The following NOS1 variants were observed in gnomAD, a reference collection of about 807,000 sequenced individuals.
NOS1 encodes the protein NOS type I.
NOS1 carries 51 observed loss-of-function variants against 164.5 expected under a neutral mutation model. That is an observed-to-expected ratio of 0.31 (90% CI 0.25 to 0.39). The LOEUF is 0.39. Among genes scored for constraint, NOS1 ranks in the 10% least tolerant of loss-of-function variants. The probability of loss-of-function intolerance (pLI) is 1.00; values close to 1 mark genes in which losing one functional copy is unlikely to be tolerated. For missense variants in NOS1, 1,362 were observed against 1,885.6 expected (o/e 0.72, Z 5.14); for synonymous variants, 719 against 745.8 (o/e 0.96, Z 0.59).
intron 24 of NOS1, among the ~76,000 whole-genome samples, chr12:117,225,930 A>G (rs1447843782): frequency 6.6e-6 from 1 of 152,200 alleles, no homozygotes; most frequent in Admixed American, 6.5e-5. Context: ...CGCCCAGCCC[A>G]GAGCCACTGG....
At chr12:117,287,362 C>T (rs1872777988) in intron 5 of NOS1, among the ~76,000 whole-genome samples, 4 of 80 alleles carry the variant, frequency 0.05, no homozygotes, top group South Asian at 0.29. Context: ...TTGATTTTTA[C>T]AGTTGTTATA....
chr12:117,250,327 CTTT>C (rs556629285), intron 17 of NOS1, among the ~76,000 whole-genome samples: 8 of 130,164 alleles, frequency 6.1e-5, no homozygotes, highest in Admixed American at 1.6e-4. Context: ...TTGCCATTTA[CTTT>C]TTTTTTTTTT....
chr12:117,302,705 AC>A (rs1873906996), intron 3 of NOS1, among the ~76,000 whole-genome samples: 1 of 151,800 alleles, frequency 6.6e-6, no homozygotes, highest in Admixed American at 6.6e-5. Context: ...TAAAATGGCT[AC>A]ACACCTGCAC....
At chr12:117,291,010 C>T (rs1364326933) in intron 3 of NOS1, among the ~76,000 whole-genome samples, 2 of 152,064 alleles carry the variant, frequency 1.3e-5, no homozygotes, top group South Asian at 2.1e-4. Context: ...ATCAGAAGTT[C>T]GAGATCAGCC....
intron 20 of NOS1, among the ~76,000 whole-genome samples, chr12:117,238,766 C>T (rs192361821): frequency 5.3e-5 from 8 of 152,254 alleles, no homozygotes; most frequent in South Asian, 4.1e-4. Context: ...CCGCCTGCCT[C>T]GGCCTCCCAA....
chr12:117,267,361 T>G (rs1391506240), intron 11 of NOS1, among the ~76,000 whole-genome samples: 3 of 152,092 alleles, frequency 2.0e-5, no homozygotes, highest in Non-Finnish European at 4.4e-5. Context: ...CCGAGGCAGG[T>G]GAATCACCTG....
At chr12:117,221,001 C>T (rs1047243731) in intron 26 of NOS1, among the ~76,000 whole-genome samples, 2 of 152,202 alleles carry the variant, frequency 1.3e-5, no homozygotes, top group Admixed American at 1.3e-4. Flanking sequence ...TGAGTGCCCC[C>T]CCAACCTGCC....
intron 3 of NOS1, among the ~76,000 whole-genome samples, chr12:117,304,247 T>A (rs909595305): frequency 3.3e-5 from 5 of 152,036 alleles, no homozygotes; most frequent in South Asian, 4.1e-4. Context: ...GAACTAATAA[T>A]GATCCTTAGC....
In NOS1 at chr12:117,330,403, C is replaced by T. The variant is rs1297380986; in HGVS notation, c.667G>A (p.Val223Ile). 2 of 1,614,160 alleles carry T rather than the reference C, an allele frequency of 1.2e-6. No homozygotes were observed. Among genetic ancestry groups the T allele is most frequent in the East Asian group, 2.2e-5 (1 of 44,866 alleles). Residue 223 changes from valine (V) to isoleucine (I), a missense_variant, in exon 2 of 29, where the codon GTC (valine) becomes ATC (isoleucine). Transcript: ENST00000317775. This position sits in a 1 kb window ranked among gnomAD's most constrained non-coding sequence, Gnocchi z 4.6. ...LSLLTSGSRG[V>I]KGGAPAKAEM... ...GCCTTGGCAGGTGCCCCTCCCTTGACCCCTCTGCTCCCACTGGTGAGAAGG... is the reference window on the plus strand; with the variant it reads ...GCCTTGGCAGGTGCCCCTCCCTTGATCCCTCTGCTCCCACTGGTGAGAAGG...
intron 2 of NOS1, among the ~76,000 whole-genome samples, chr12:117,327,148 G>C (rs372854818): frequency 6.6e-6 from 1 of 152,192 alleles, no homozygotes; most frequent in Non-Finnish European, 1.5e-5. Flanking sequence ...TATTAGATAC[G>C]GCTGGGATTC....
intron 2 of NOS1, among the ~76,000 whole-genome samples, chr12:117,326,334 CGA>C (rs1441012003): frequency 6.8e-6 from 1 of 147,898 alleles, no homozygotes; most frequent in African/African-American, 2.5e-5. Context: ...TGCAGTGAGC[CGA>C]GATCATACCA....
chr12:117,210,731 G>A lies in NOS1; in HGVS notation c.*4578C>T. ...TCAAAGTCCAGAGCAGGCAGCTGCT[G>A]AAAGCGTGTTTGGTCAGAAGATTCT... On this transcript the variant is annotated 3_prime_UTR_variant, in exon 29 of 29. Transcript: ENST00000317775. 2.0e-6 allele frequency: 2 copies of A among 985,408 alleles called. No individual in the cohort carries two copies. The highest frequency in any genetic ancestry group is 2.4e-6 in the Non-Finnish European group (2 of 829,964). 61.0% of individuals were successfully genotyped at this position (985,408 alleles called of 1,614,324 possible). A position where few individuals can be genotyped will look rare whatever the true frequency, so the allele number is the denominator to read the frequency against.
intron 1 of NOS1, among the ~76,000 whole-genome samples, chr12:117,341,183 C>T (rs929984587): frequency 6.6e-6 from 1 of 152,144 alleles, no homozygotes; most frequent in Non-Finnish European, 1.5e-5. Flanking sequence ...GCTTAAGGCA[C>T]TTTGTGTTGA....
chr12:117,211,108 C>T lies in NOS1; in HGVS notation c.*4201G>A, dbSNP rs923133437. The T allele has an allele frequency of 7.1e-6, 4 of 563,446 alleles. No homozygotes were observed. The highest frequency in any genetic ancestry group is 6.1e-5 in the African/African-American group (3 of 49,038). The allele number at this position is 563,446 out of a possible 1,614,324, so 34.9% of individuals were successfully genotyped here. On this transcript the variant is annotated 3_prime_UTR_variant, in exon 29 of 29. Coordinates refer to ENST00000317775, the MANE Select transcript of NOS1 (RefSeq NM_000620.5). ...GGTAGCTGAGACTACAGGCGCATGC[C>T]ACCATGCCCAGCTAATTTTTGTATT...
intron 1 of NOS1, among the ~76,000 whole-genome samples, chr12:117,349,687 C>G (rs911698912): frequency 6.6e-6 from 1 of 152,148 alleles, no homozygotes; most frequent in Non-Finnish European, 1.5e-5. Context: ...AGCATGGTAC[C>G]TAGTCTGTAG....
intron 3 of NOS1, among the ~76,000 whole-genome samples, chr12:117,311,117 G>A (rs1874409706): frequency 1.3e-5 from 2 of 152,108 alleles, no homozygotes; most frequent in Admixed American, 1.3e-4. Flanking sequence ...CCTCCGCCTT[G>A]GCCTCCCAAA....
chr12:117,220,331 T>C (rs1054032418), intron 26 of NOS1, 62 bp from the exon 27 acceptor site: 3 of 1,490,092 alleles, frequency 2.0e-6, no homozygotes, highest in African/African-American at 1.4e-5. Context: ...CCATAGCCCA[T>C]GTCTGCCCAG....
At chr12:117,235,119 T>C (rs1453259351) in intron 20 of NOS1, among the ~76,000 whole-genome samples, 1 of 152,078 alleles carries the variant, frequency 6.6e-6, no homozygotes, top group African/African-American at 2.4e-5. Context: ...AATTTCCCTA[T>C]GTGGCCCAGG....
intron 3 of NOS1, chr12:117,301,958 C>T (rs539164583): frequency 4.4e-5 from 20 of 456,700 alleles, no homozygotes; most frequent in Non-Finnish European, 7.5e-5. Context: ...GTGCCAGGCC[C>T]TGTAGAGTGG....
Sources: allele counts gnomAD v4.1 joint callset (sites outside exome capture counted in the v4.1 genomes callset), GRCh38; gene constraint gnomAD v4.1.1; non-coding constraint Gnocchi (gnomAD v3.1); transcripts MANE v1.5; gene names NCBI Gene and HGNC (gene_info 2026-07-23, HGNC 2026-07-21).